Variants in NRG1 observed in about 807,000 individuals in gnomAD.
The protein encoded by NRG1 is pro-neuregulin-1, membrane-bound isoform.
A neutral mutation model predicts 63.8 loss-of-function variants in NRG1; 18 were observed. The ratio of observed to expected loss-of-function variants is 0.28; its 90% CI spans 0.19 to 0.42. The LOEUF (loss-of-function observed/expected upper bound fraction) is 0.42. NRG1 is among the 10% of genes least tolerant of loss of function. The pLI, the probability that NRG1 is intolerant of heterozygous loss-of-function variation, is 1.00. For synonymous variants in NRG1, 302 were observed against 301.3 expected (o/e 1.00, Z -0.02); for missense variants, 762 against 814.7 (o/e 0.94, Z 0.79).
At chr8:32,143,258 T>A (rs1476217495) in intron 1 of NRG1, among the ~76,000 whole-genome samples, 1 of 151,578 alleles carries the variant, frequency 6.6e-6, no homozygotes, top group Non-Finnish European at 1.5e-5. Context: ...GGGGAAGAAA[T>A]AATTCACATG....
At chr8:32,434,111 G>A (rs1253082957) in intron 1 of NRG1, among the ~76,000 whole-genome samples, 2 of 151,950 alleles carry the variant, frequency 1.3e-5, no homozygotes, top group Admixed American at 6.6e-5. Flanking sequence ...ACTTGAACCA[G>A]GGAGTCAGAG....
intron 1 of NRG1, among the ~76,000 whole-genome samples, chr8:32,532,481 T>A (rs542653280): frequency 6.6e-6 from 1 of 152,216 alleles, no homozygotes; most frequent in African/African-American, 2.4e-5. Context: ...TTAAACCAAA[T>A]TAGAGAAACA....
chr8:32,300,347 A>G (rs1048973600), intron 1 of NRG1, among the ~76,000 whole-genome samples: 1 of 152,232 alleles, frequency 6.6e-6, no homozygotes, highest in Non-Finnish European at 1.5e-5. Flanking sequence ...TATCTTCTTA[A>G]TTGTTGTATT....
intron 1 of NRG1, among the ~76,000 whole-genome samples, chr8:32,116,486 C>T (rs1832726246): frequency 6.6e-6 from 1 of 152,058 alleles, no homozygotes; most frequent in African/African-American, 2.4e-5. Flanking sequence ...AAATATCATG[C>T]CGCAAAAAGT....
chr8:32,652,460 T>G (rs1371435296), intron 5 of NRG1, among the ~76,000 whole-genome samples: 1 of 152,160 alleles, frequency 6.6e-6, no homozygotes, highest in Non-Finnish European at 1.5e-5. Flanking sequence ...TCTATTCTTT[T>G]GTGATACCCA....
chr8:31,822,479 G>T (rs894990737), intron 1 of NRG1, among the ~76,000 whole-genome samples: 2 of 152,104 alleles, frequency 1.3e-5, no homozygotes, highest in African/African-American at 4.8e-5. Context: ...TGAGGCAAAC[G>T]GCCAAACCTG....
intron 1 of NRG1, among the ~76,000 whole-genome samples, chr8:32,193,878 C>A (rs1420128833): frequency 6.6e-6 from 1 of 152,196 alleles, no homozygotes; most frequent in African/African-American, 2.4e-5. Flanking sequence ...TATGCTGCCA[C>A]AAGCCAAGGA....
At chr8:32,547,016 A>G (rs185581230), upstream of NRG1, among the ~76,000 whole-genome samples, 22 of 152,352 alleles carry the variant, frequency 1.4e-4, no homozygotes, top group African/African-American at 4.1e-4. Flanking sequence ...TCACTTTTAA[A>G]GTGAAGCAAT....
intron 1 of NRG1, among the ~76,000 whole-genome samples, chr8:32,376,367 G>T (rs772748574): frequency 1.3e-5 from 2 of 151,956 alleles, no homozygotes; most frequent in Non-Finnish European, 1.5e-5. Context: ...CTTTGGGGAG[G>T]TTCTTCTCCA....
At chr8:31,695,564 T>C (rs906711073) in intron 1 of NRG1, among the ~76,000 whole-genome samples, 3 of 152,174 alleles carry the variant, frequency 2.0e-5, no homozygotes, top group Admixed American at 6.5e-5. Flanking sequence ...CATGACCCAA[T>C]CACTTCCCAC....
At chr8:31,909,104 G>T (rs567089218) in intron 1 of NRG1, among the ~76,000 whole-genome samples, 1 of 152,250 alleles carries the variant, frequency 6.6e-6, no homozygotes, top group African/African-American at 2.4e-5. Flanking sequence ...GCTACACTTT[G>T]TGGCCCTTCA....
At chr8:31,664,891 A>G (rs945680786) in intron 1 of NRG1, among the ~76,000 whole-genome samples, 1 of 152,224 alleles carries the variant, frequency 6.6e-6, no homozygotes, top group Non-Finnish European at 1.5e-5. Flanking sequence ...TGGGCTTGTA[A>G]TCTAAATGTG....
intron 1 of NRG1, among the ~76,000 whole-genome samples, chr8:31,871,639 A>G (rs1346442075): frequency 6.6e-6 from 1 of 151,934 alleles, no homozygotes; most frequent in Non-Finnish European, 1.5e-5. Context: ...TATTTTAAAA[A>G]CAAAACAAAC....
At chr8:31,999,791 AC>A (rs1455978343) in intron 1 of NRG1, among the ~76,000 whole-genome samples, 6 of 152,012 alleles carry the variant, frequency 3.9e-5, no homozygotes, top group Admixed American at 2.6e-4. Context: ...AAAGATATGT[AC>A]AATATAATTA....
chr8:32,317,110 G>A (rs918691072), intron 1 of NRG1, among the ~76,000 whole-genome samples: 2 of 148,512 alleles, frequency 1.3e-5, no homozygotes, highest in African/African-American at 5.0e-5. Flanking sequence ...AGATGTATAC[G>A]TTCTCTCCAT....
At chr8:32,747,896 GTC>G in intron 7 of NRG1, among the ~76,000 whole-genome samples, 1 of 151,874 alleles carries the variant, frequency 6.6e-6, no homozygotes, top group Non-Finnish European at 1.5e-5. Flanking sequence ...CTCTTGATGT[GTC>G]TGCTACCCAA....
chr8:31,672,613 ATAACT>A (rs903585446), intron 1 of NRG1, among the ~76,000 whole-genome samples: 1 of 152,024 alleles, frequency 6.6e-6, no homozygotes, highest in African/African-American at 2.4e-5. Context: ...AGAGCAAATG[ATAACT>A]TAATATTGGC....
chr8:31,856,071 G>T (rs1827834468), intron 1 of NRG1, among the ~76,000 whole-genome samples: 1 of 151,508 alleles, frequency 6.6e-6, no homozygotes, highest in Non-Finnish European at 1.5e-5. Context: ...CAACTTTGGT[G>T]AATCTGACAA....
At chr8:32,638,079 G>T (rs918902550) in intron 5 of NRG1, among the ~76,000 whole-genome samples, 1 of 152,160 alleles carries the variant, frequency 6.6e-6, no homozygotes, top group Non-Finnish European at 1.5e-5. Flanking sequence ...TTCCTTTGTA[G>T]AAATTAATTA....
Sources: allele counts gnomAD v4.1 joint callset (sites outside exome capture counted in the v4.1 genomes callset), GRCh38; gene constraint gnomAD v4.1.1; transcripts MANE v1.5; gene names NCBI Gene and HGNC (gene_info 2026-07-23, HGNC 2026-07-21).